Variants in TNFSF10 observed in about 807,000 individuals in gnomAD.
TNFSF10 encodes the protein tumor necrosis factor ligand superfamily member 10.
Under a neutral mutation model 29.5 loss-of-function variants are expected in TNFSF10, and 13 were observed. That is an observed-to-expected ratio of 0.44 (90% confidence interval 0.29 to 0.70). The LOEUF is 0.70. TNFSF10 is among the 30% of genes least tolerant of loss of function. TNFSF10 has a pLI of 0.13. For missense variants in TNFSF10, 345 were observed against 330.9 expected, an observed-to-expected ratio of 1.04 and a Z score of -0.33; for synonymous variants, 111 against 112.8, an observed-to-expected ratio of 0.98 and a Z score of 0.10.
At chr3:172,511,245 GA>G (rs1440503498) in intron 3 of TNFSF10, among the ~76,000 whole-genome samples, 1 of 152,188 alleles carries the variant, frequency 6.6e-6, no homozygotes, top group Non-Finnish European at 1.5e-5. Flanking sequence ...CTGAAACAAA[GA>G]AGGGTAACTT....
intron 1 of TNFSF10, chr3:172,518,467 T>G (rs1407392181): frequency 3.1e-6 from 4 of 1,289,092 alleles, no homozygotes. Flanking sequence ...TTCTGCAAAC[T>G]GCAAATAGCA....
chr3:172,517,945 C>T (rs1193461463), intron 1 of TNFSF10: 1 of 985,394 alleles, frequency 1.0e-6, no homozygotes, highest in African/African-American at 1.7e-5. Flanking sequence ...TCCACCCTCA[C>T]ATGTTTCTTG....
intron 2 of TNFSF10, among the ~76,000 whole-genome samples, chr3:172,511,906 A>T (rs1713240427): frequency 6.6e-6 from 1 of 152,208 alleles, no homozygotes; most frequent in Non-Finnish European, 1.5e-5. Context: ...CTGTTGCTGG[A>T]TGAAGTCTTG....
chr3:172,522,849 C>T (rs1713758598), intron 1 of TNFSF10, among the ~76,000 whole-genome samples: 1 of 152,004 alleles, frequency 6.6e-6, no homozygotes, highest in Non-Finnish European at 1.5e-5. Context: ...ACCAAAGAAC[C>T]TGTAAAAATT....
In TNFSF10 at chr3:172,506,523, G is replaced by C. The variant is rs377414486; in HGVS notation, c.815C>G (p.Ala272Gly). The change falls in exon 5 of 5, where the codon GCC becomes GGC. Residue 272 changes from alanine (A) to glycine (G), a missense_variant. Coordinates refer to ENST00000241261, the MANE Select transcript of TNFSF10 (RefSeq NM_003810.4). ...AACTAAAAAGGCCCCAAAAAAACTG[G>C]CTTCATGGTCCATGTCTATCAAGTG... ...NEHLIDMDHE[A>G]SFFGAFLVG is the part of the protein sequence containing the mutation. 2.5e-6 allele frequency: 4 copies of C among 1,608,104 alleles called. No individual in the cohort carries two copies. In the African/African-American group the frequency reaches 4.0e-5, roughly 16 times the overall value.
At chr3:172,515,093 TAAA>T (rs1713377098) in intron 1 of TNFSF10, 95 bp from the exon 2 acceptor site, 10 of 1,559,850 alleles carry the variant, frequency 6.4e-6, no homozygotes, top group Non-Finnish European at 8.7e-6. Context: ...ATAGCAGACT[TAAA>T]GAAGTTTTGG....
chr3:172,516,154 T>C (rs1156531563), intron 1 of TNFSF10, among the ~76,000 whole-genome samples: 3 of 151,742 alleles, frequency 2.0e-5, no homozygotes, highest in African/African-American at 7.3e-5. Flanking sequence ...GTCCCAGCTA[T>C]TTGGGAGGCT....
At position 172,523,233 on chromosome 3, in the gene TNFSF10, GTGCAC is replaced by G; in HGVS notation, c.132+15_132+19del. ...ATTTGCTAAGCGCCTCGAAGACTGA[GTGCAC>G]TGCACTGCACTGACCTGCTTCAGCT... On this transcript the variant is annotated intron_variant, in intron 1 of 4. Coordinates refer to ENST00000241261, the MANE Select transcript of TNFSF10 (RefSeq NM_003810.4). The G allele has an allele frequency of 1.3e-6, 2 of 1,582,562 alleles. No individual in the cohort carries two copies. Among genetic ancestry groups the G allele is most frequent in the Non-Finnish European group, 8.6e-7 (1 of 1,156,708 alleles).
intron 4 of TNFSF10, among the ~76,000 whole-genome samples, chr3:172,508,390 A>G (rs994072925): frequency 6.6e-6 from 1 of 152,224 alleles, no homozygotes; most frequent in African/African-American, 2.4e-5. Flanking sequence ...TAGATGTAAC[A>G]TATATGGTTA....
At chr3:172,517,593 A>C (rs1372310043) in intron 1 of TNFSF10, 10 of 985,088 alleles carry the variant, frequency 1.0e-5, no homozygotes, top group Non-Finnish European at 1.2e-5. Context: ...CTATATTCTC[A>C]CCTCCTACTT....
chr3:172,509,699 G>C (rs964177874), intron 3 of TNFSF10, among the ~76,000 whole-genome samples: 5 of 152,248 alleles, frequency 3.3e-5, no homozygotes, highest in Admixed American at 6.5e-5. Context: ...AAATAACTAC[G>C]TATTGGCAAA....
At position 172,518,161 on chromosome 3, in the gene TNFSF10, C is replaced by T. The variant is rs1713518978; in HGVS notation, c.133-3163G>A. 1.1e-5 allele frequency: 12 copies of T among 1,092,442 alleles called. No homozygotes were observed. In the South Asian group the frequency reaches 1.2e-4, roughly 11 times the overall value. 67.7% of individuals were successfully genotyped at this position (1,092,442 alleles called of 1,614,324 possible). On this transcript the variant is annotated intron_variant, in intron 1 of 4. Coordinates refer to ENST00000241261, the MANE Select transcript of TNFSF10 (RefSeq NM_003810.4). ...TGAGGCTATATTCTCTAACTAACCA[C>T]ACTTGGGCATTGGGGGCAGAAGGTA...
intron 1 of TNFSF10, 151 bp from the exon 2 acceptor site, chr3:172,515,149 C>A (rs1434622393): frequency 3.3e-6 from 3 of 906,652 alleles, no homozygotes; most frequent in Non-Finnish European, 4.9e-6. Flanking sequence ...TAAGCATGCT[C>A]TCCTTTGTCC....
Position 172,514,932 on chromosome 3 carries a change from G to T in TNFSF10, c.199C>A (p.Pro67Thr), listed in dbSNP as rs776576969. 2 of 1,614,092 alleles carry T rather than the reference G, an allele frequency of 1.2e-6. No individual in the cohort carries two copies. Among genetic ancestry groups the T allele is most frequent in the Admixed American group, 3.3e-5 (2 of 60,014 alleles). ...CTGTTCATACTCTCTTCGTCATTGG[G>T]GTCCCAATAACTGTCATCTTCTTTT... ...FLKEDDSYWD[P>T]NDEESMNSPC... The change falls in exon 2 of 5, where the codon CCC (proline) becomes ACC (threonine). Residue 67 changes from proline to threonine, a missense_variant. By Grantham distance (38) the Pro-to-Thr change is conservative (BLOSUM62 -1). Coordinates refer to ENST00000241261, the MANE Select transcript of TNFSF10 (RefSeq NM_003810.4).
At chr3:172,514,712 G>A (rs1713359121) in intron 2 of TNFSF10, 149 bp downstream of exon 2, 1 of 1,103,794 alleles carries the variant, frequency 9.1e-7, no homozygotes, top group Non-Finnish European at 1.3e-6. Context: ...CTATGAATTT[G>A]GGGAAAATTA....
chr3:172,510,492 A>C (rs1009225427), intron 3 of TNFSF10, among the ~76,000 whole-genome samples: 16 of 152,152 alleles, frequency 1.1e-4, no homozygotes, highest in African/African-American at 3.9e-4. Flanking sequence ...TTTGAAAGCA[A>C]ATTTTTAAAA....
At chr3:172,522,270 G>T in intron 1 of TNFSF10, 1 of 677,976 alleles carries the variant, frequency 1.5e-6, no homozygotes, top group Non-Finnish European at 2.8e-6. Context: ...TAGACCTCAT[G>T]TGAGTTATGA....
intron 1 of TNFSF10, among the ~76,000 whole-genome samples, chr3:172,519,861 C>T: frequency 6.6e-6 from 1 of 152,220 alleles, no homozygotes; most frequent in Non-Finnish European, 1.5e-5. Flanking sequence ...ATTTCCTAGT[C>T]AGCTGGCAGA....
At chr3:172,518,272 G>T in intron 1 of TNFSF10, 1 of 1,165,740 alleles carries the variant, frequency 8.6e-7, no homozygotes, top group Non-Finnish European at 1.1e-6. Flanking sequence ...GAAGCCCTTG[G>T]TTCTGAAAAG....
Sources: gnomAD v4.1 joint callset for allele counts (sites outside exome capture counted in the v4.1 genomes callset) on GRCh38, gnomAD v4.1.1 for gene constraint, MANE v1.5 for transcripts, NCBI Gene and HGNC (gene_info 2026-07-23, HGNC 2026-07-21) for gene names.